SOCS2: variants seen among roughly 807,000 people sequenced by gnomAD.
SOCS2 encodes the protein suppressor of cytokine signaling 2, also known as CIS-2.
SOCS2 carries 10 observed loss-of-function variants against 18.6 expected under a neutral mutation model. That is an observed-to-expected ratio of 0.54 (90% CI 0.33 to 0.91). The LOEUF is 0.91. Ranked by LOEUF, SOCS2 falls within the 40% of genes least tolerant of loss-of-function variation. The pLI is 0.02. For missense variants in SOCS2, 231 were observed against 247.2 expected, an observed-to-expected ratio of 0.93 and a Z score of 0.44; for synonymous variants, 104 against 104.0, an observed-to-expected ratio of 1.00 and a Z score of 0.00.
chr12:93,592,560 T>A, the SOCS2 span, among the ~76,000 whole-genome samples: 1 of 152,210 alleles, frequency 6.6e-6, no homozygotes, highest in Admixed American at 6.5e-5. Context: ...TTAATAGATA[T>A]TTACTTTCAA....
At chr12:93,618,169 C>T in the SOCS2 span, among the ~76,000 whole-genome samples, 15 of 152,118 alleles carry the variant, frequency 9.9e-5, no homozygotes, top group African/African-American at 3.1e-4. Flanking sequence ...CTTTGCCTTC[C>T]GCCATGATTG....
the SOCS2 span, among the ~76,000 whole-genome samples, chr12:93,617,265 T>C: frequency 6.6e-6 from 1 of 152,146 alleles, no homozygotes; most frequent in Non-Finnish European, 1.5e-5. Flanking sequence ...TTTTTAGCAA[T>C]CTGCTTTCTC....
At chr12:93,605,341 T>A in the SOCS2 span, among the ~76,000 whole-genome samples, 2 of 152,220 alleles carry the variant, frequency 1.3e-5, no homozygotes, top group Non-Finnish European at 2.9e-5. Flanking sequence ...TGGATACTTA[T>A]ACTTCTTAAG....
At chr12:93,581,648 T>G (rs1197023531), downstream of SOCS2, among the ~76,000 whole-genome samples, 1 of 152,138 alleles carries the variant, frequency 6.6e-6, no homozygotes, top group Non-Finnish European at 1.5e-5. Context: ...CTTCGTTCAT[T>G]TATCTCATTA....
chr12:93,614,462 C>T, the SOCS2 span, among the ~76,000 whole-genome samples: 17 of 90,350 alleles, frequency 1.9e-4, no homozygotes, highest in African/African-American at 9.7e-4. Context: ...TTCCTTCCTT[C>T]CTTCCTTCCT....
At chr12:93,589,057 C>T in the SOCS2 span, among the ~76,000 whole-genome samples, 1 of 152,216 alleles carries the variant, frequency 6.6e-6, no homozygotes, top group East Asian at 1.9e-4. Flanking sequence ...CTTCCCAGTG[C>T]TATCATTATT....
At chr12:93,581,260 AC>A (rs1219080997), downstream of SOCS2, among the ~76,000 whole-genome samples, 1 of 152,234 alleles carries the variant, frequency 6.6e-6, no homozygotes, top group Non-Finnish European at 1.5e-5. Flanking sequence ...ACTCTCCGCC[AC>A]CAGATAGCTG....
the SOCS2 span, among the ~76,000 whole-genome samples, chr12:93,591,277 A>C: frequency 6.6e-6 from 1 of 151,884 alleles, no homozygotes; most frequent in African/African-American, 2.4e-5. Flanking sequence ...AAAAAAAAAA[A>C]CAAGGCTCAG....
the SOCS2 span, among the ~76,000 whole-genome samples, chr12:93,603,374 A>C: frequency 6.6e-6 from 1 of 152,178 alleles, no homozygotes; most frequent in Non-Finnish European, 1.5e-5. Context: ...AGACTCAAAA[A>C]GGTTAGGCCC....
chr12:93,599,105 T>C, the SOCS2 span, among the ~76,000 whole-genome samples: 1 of 152,118 alleles, frequency 6.6e-6, no homozygotes, highest in Non-Finnish European at 1.5e-5. Context: ...TTTGACCATT[T>C]AGATTTAGAT....
At chr12:93,585,630 T>C (rs1592838896), downstream of SOCS2, among the ~76,000 whole-genome samples, 1 of 152,326 alleles carries the variant, frequency 6.6e-6, no homozygotes, top group Non-Finnish European at 1.5e-5. Context: ...ACGTAAACTT[T>C]ATAGAACATG....
At chr12:93,599,750 T>G in the SOCS2 span, among the ~76,000 whole-genome samples, 1 of 152,318 alleles carries the variant, frequency 6.6e-6, no homozygotes, top group Non-Finnish European at 1.5e-5. Flanking sequence ...TAAAAGCAAG[T>G]TTGGCTTTCT....
chr12:93,607,388 G>A, the SOCS2 span, among the ~76,000 whole-genome samples: 1 of 152,104 alleles, frequency 6.6e-6, no homozygotes, highest in African/African-American at 2.4e-5. Flanking sequence ...TCCAAGAGAT[G>A]GCATGTGCTG....
At chr12:93,584,595 T>C (rs879703792), downstream of SOCS2, among the ~76,000 whole-genome samples, 1 of 152,184 alleles carries the variant, frequency 6.6e-6, no homozygotes, top group Non-Finnish European at 1.5e-5. Flanking sequence ...ATGTAGGTAA[T>C]ATTTCATCAT....
chr12:93,586,046 C>T (rs1337071431), downstream of SOCS2, among the ~76,000 whole-genome samples: 1 of 151,630 alleles, frequency 6.6e-6, no homozygotes. Flanking sequence ...TTTTTTATTG[C>T]TTTTTTTTCC....
chr12:93,573,242 G>A (rs1431563312), intron 1 of SOCS2: 1 of 642,738 alleles, frequency 1.6e-6, no homozygotes, highest in East Asian at 2.8e-5. Context: ...GCCTGGCGGA[G>A]CGCAGAGCGC....
chr12:93,583,473 A>G (rs1954564831), exon 2 of SOCS2: 1 of 152,192 alleles, frequency 6.6e-6, no homozygotes, highest in African/African-American at 2.4e-5. Context: ...AATTAAAAGA[A>G]TCTTGGTGCA....
At chr12:93,619,574 T>C in the SOCS2 span, among the ~76,000 whole-genome samples, 2 of 152,210 alleles carry the variant, frequency 1.3e-5, no homozygotes, top group African/African-American at 4.8e-5. Context: ...GTGGGCATCA[T>C]ATATAAATAA....
chr12:93,570,749 G>C (rs1161620957), upstream of SOCS2: 3 of 152,488 alleles, frequency 2.0e-5, no homozygotes, highest in East Asian at 5.8e-4. Flanking sequence ...CGAGCACCCC[G>C]GGGTGTGGGG....
Sources: gnomAD v4.1 joint callset for allele counts (sites outside exome capture counted in the v4.1 genomes callset) on GRCh38, gnomAD v4.1.1 for gene constraint, MANE v1.5 for transcripts, NCBI Gene and HGNC (gene_info 2026-07-23, HGNC 2026-07-21) for gene names.